Variants in TLL1 observed in about 807,000 individuals in gnomAD.
The protein encoded by TLL1 is tolloid-like protein 1.
Under a neutral mutation model 128.2 loss-of-function variants are expected in TLL1, and 49 were observed. That is an observed-to-expected ratio of 0.38 (90% CI 0.30 to 0.48). The LOEUF (loss-of-function observed/expected upper bound fraction) is 0.48, where lower values mean the gene tolerates loss of function less well. Among genes scored for constraint, TLL1 ranks in the 20% least tolerant of loss-of-function variants. The pLI, the probability that TLL1 is intolerant of heterozygous loss-of-function variation, is 0.96. For synonymous variants in TLL1, 454 were observed against 418.8 expected (o/e 1.08, Z -1.03); for missense variants, 1,123 against 1,242.0 (o/e 0.90, Z 1.44).
At chr4:166,035,112 A>G (rs571891192) in intron 9 of TLL1, among the ~76,000 whole-genome samples, 13 of 152,336 alleles carry the variant, frequency 8.5e-5, no homozygotes, top group African/African-American at 3.1e-4. Flanking sequence ...AGGGACATAC[A>G]CACTCAAACC....
chr4:166,025,272 T>C, intron 8 of TLL1, 44 bp from the exon 9 acceptor site: 1 of 1,355,424 alleles, frequency 7.4e-7, no homozygotes, highest in East Asian at 2.3e-5. Flanking sequence ...TTCACGTATT[T>C]TATATAAATT....
At chr4:165,899,878 G>A (rs1731885819) in intron 1 of TLL1, among the ~76,000 whole-genome samples, 1 of 151,954 alleles carries the variant, frequency 6.6e-6, no homozygotes, top group Non-Finnish European at 1.5e-5. Flanking sequence ...AGGTCTCTAA[G>A]AACTTTATGA....
intron 1 of TLL1, among the ~76,000 whole-genome samples, chr4:165,928,297 C>A (rs114583228): frequency 6.6e-6 from 1 of 152,112 alleles, no homozygotes; most frequent in African/African-American, 2.4e-5. Context: ...GATGTCTAAA[C>A]GCCTGAATCT....
chr4:166,073,908 T>A (rs1291252256), intron 16 of TLL1, among the ~76,000 whole-genome samples: 2 of 152,110 alleles, frequency 1.3e-5, no homozygotes, highest in Non-Finnish European at 2.9e-5. Context: ...CTCATATGAC[T>A]GTAACACGTC....
At chr4:165,914,280 TTATATAGA>T (rs1203711649) in intron 1 of TLL1, among the ~76,000 whole-genome samples, 1 of 152,220 alleles carries the variant, frequency 6.6e-6, no homozygotes, top group Non-Finnish European at 1.5e-5. Flanking sequence ...AATGTTATAT[TTATATAGA>T]TATAAAGAAG....
chr4:166,005,520 T>C (rs1737382442), intron 6 of TLL1, among the ~76,000 whole-genome samples: 1 of 151,836 alleles, frequency 6.6e-6, no homozygotes, highest in Non-Finnish European at 1.5e-5. Context: ...AATAAATAAT[T>C]TGAAGAATGG....
At chr4:166,042,537 T>G (rs1354627824) in intron 11 of TLL1, among the ~76,000 whole-genome samples, 1 of 152,218 alleles carries the variant, frequency 6.6e-6, no homozygotes, top group Non-Finnish European at 1.5e-5. Flanking sequence ...AGAAAGTAAT[T>G]GTGCCGATTT....
intron 19 of TLL1, among the ~76,000 whole-genome samples, chr4:166,098,599 G>A (rs1197817119): frequency 6.6e-6 from 1 of 151,968 alleles, no homozygotes; most frequent in Non-Finnish European, 1.5e-5. Flanking sequence ...TTGTTGGATA[G>A]GTTGTAGAAC....
chr4:166,060,516 C>T (rs191056420), intron 15 of TLL1, among the ~76,000 whole-genome samples: 33 of 152,072 alleles, frequency 2.2e-4, no homozygotes, highest in African/African-American at 7.7e-4. Context: ...TAAACCAAAA[C>T]CCTGTGGCTG....
chr4:165,994,922 G>A (rs1326414129), intron 4 of TLL1, 139 bp from the exon 5 acceptor site: 4 of 712,700 alleles, frequency 5.6e-6, no homozygotes, highest in Non-Finnish European at 7.3e-6. Context: ...CTCATTTGTG[G>A]TGCCATAAAC....
At position 166,009,932 on chromosome 4, in the gene TLL1, T is replaced by C. The variant is rs147562781; in HGVS notation, c.917+1884T>C. Among the ~76,000 whole-genome samples the C allele has an allele frequency of 9.0e-3, 1,365 of 151,520 alleles. 19 individuals carry two copies. Among genetic ancestry groups the C allele is most frequent in the African/African-American group, 0.03 (1,250 of 41,474 alleles). On this transcript the variant is annotated intron_variant, in intron 7 of 20. Transcript: ENST00000061240. ...CTGTAAAACAGATGTCCATAACTTA[T>C]TCATCTTGCAAAACGTAAACTCTAT...
intron 1 of TLL1, among the ~76,000 whole-genome samples, chr4:165,977,427 C>A (rs1735939649): frequency 6.6e-6 from 1 of 152,152 alleles, no homozygotes; most frequent in African/African-American, 2.4e-5. Context: ...GAGGCCTCTC[C>A]AATCGTGTGG....
At chr4:166,055,540 A>G (rs892213360) in intron 13 of TLL1, among the ~76,000 whole-genome samples, 5 of 152,188 alleles carry the variant, frequency 3.3e-5, no homozygotes, top group Non-Finnish European at 1.5e-5. Flanking sequence ...ATATACAGAC[A>G]GAAAGAAAAT....
rs61998414 is a variant in TLL1, at chr4:166,062,531, G to A, written c.2007+2343G>A. Among the ~76,000 whole-genome samples the A allele has an allele frequency of 5.3e-3, 809 of 152,182 alleles. 14 individuals are homozygous for A. In the East Asian group the frequency reaches 0.058, roughly 11 times the overall value. ...TTGGCTCTCTGTTTGTCTGTTATTGGTGTATAGAAATGCTTGTGATTTTTG... is the reference window on the plus strand; with the variant it reads ...TTGGCTCTCTGTTTGTCTGTTATTGATGTATAGAAATGCTTGTGATTTTTG... On this transcript the variant is annotated intron_variant, in intron 15 of 20. Transcript: ENST00000061240.
intron 1 of TLL1, among the ~76,000 whole-genome samples, chr4:165,930,168 G>A (rs1019389829): frequency 3.9e-5 from 6 of 152,248 alleles, no homozygotes; most frequent in African/African-American, 7.2e-5. Flanking sequence ...CAAGGTCTGG[G>A]TGCATTCTCC....
chr4:166,047,501 A>G (rs569948667), intron 12 of TLL1, among the ~76,000 whole-genome samples: 93 of 145,292 alleles, frequency 6.4e-4, no homozygotes, highest in Non-Finnish European at 3.0e-4. Flanking sequence ...TATAATATAT[A>G]ATTAATAATA....
At chr4:165,985,534 T>C (rs952348059) in intron 1 of TLL1, among the ~76,000 whole-genome samples, 1 of 152,002 alleles carries the variant, frequency 6.6e-6, no homozygotes, top group African/African-American at 2.4e-5. Flanking sequence ...GTTTATAAAT[T>C]CGTACATATT....
At chr4:166,051,294 C>CTT (rs1739716087) in intron 12 of TLL1, among the ~76,000 whole-genome samples, 1 of 129,828 alleles carries the variant, frequency 7.7e-6, no homozygotes, top group South Asian at 2.8e-4. Context: ...TTCTTCCCTC[C>CTT]CTCCTTTCCT....
chr4:166,096,301 G>C (rs909290598), intron 19 of TLL1, among the ~76,000 whole-genome samples: 1 of 151,892 alleles, frequency 6.6e-6, no homozygotes, highest in African/African-American at 2.4e-5. Context: ...ATAGGAATGA[G>C]GGTGTGCACT....
Sources: gnomAD v4.1 joint callset for allele counts (sites outside exome capture counted in the v4.1 genomes callset) on GRCh38, gnomAD v4.1.1 for gene constraint, MANE v1.5 for transcripts, NCBI Gene and HGNC (gene_info 2026-07-23, HGNC 2026-07-21) for gene names.